Variants in SYN2 observed in about 807,000 individuals in gnomAD.
SYN2 encodes synapsin II, also known as synapsin-2.
SYN2 carries 19 observed loss-of-function variants against 50.9 expected under a neutral mutation model. The ratio of observed to expected loss-of-function variants is 0.37; its 90% confidence interval spans 0.26 to 0.55. SYN2 has a LOEUF of 0.55. Ranked by LOEUF, SYN2 falls within the 20% of genes least tolerant of loss-of-function variation. The pLI, the probability that SYN2 is intolerant of heterozygous loss-of-function variation, is 0.81. For missense variants in SYN2, 587 were observed against 576.4 expected, an observed-to-expected ratio of 1.02 and a Z score of -0.19; for synonymous variants, 255 against 224.9, an observed-to-expected ratio of 1.13 and a Z score of -1.20.
At chr3:12,052,098 G>T (rs553809508) in intron 1 of SYN2, among the ~76,000 whole-genome samples, 1 of 152,242 alleles carries the variant, frequency 6.6e-6, no homozygotes, top group South Asian at 2.1e-4. Flanking sequence ...AATCATATGG[G>T]ATCGATATTC....
intron 1 of SYN2, chr3:12,070,753 C>T (rs2125168148): frequency 4.0e-6 from 3 of 744,074 alleles, no homozygotes; most frequent in Non-Finnish European, 6.8e-6. Flanking sequence ...AGCCCTCCCC[C>T]ATGCCGTCCT....
intron 10 of SYN2, 25 bp downstream of exon 10, chr3:12,169,931 C>G (rs1697902484): frequency 6.3e-7 from 1 of 1,585,472 alleles, no homozygotes; most frequent in South Asian, 1.1e-5. Context: ...AGAGACATAG[C>G]AGAGCCAAGA....
chr3:12,004,468 C>A lies in SYN2; in HGVS notation c.-84C>A, dbSNP rs1010929789. On this transcript the variant is annotated 5_prime_UTR_variant, in exon 1 of 13. Coordinates refer to ENST00000621198, the MANE Select transcript of SYN2 (RefSeq NM_133625.6). ...AAGCCGCCGCCTCAGCCGCCTCAGT[C>A]GCCTCAATCTCGCCTTCCGCCCTCG... 2.0e-5 allele frequency: 7 copies of A among 347,032 alleles called. No homozygotes were observed. Among genetic ancestry groups the A allele is most frequent in the Non-Finnish European group, 3.4e-5 (6 of 178,248 alleles). 21.5% of individuals were successfully genotyped at this position (347,032 alleles called of 1,614,324 possible).
chr3:12,065,408 GTT>G (rs984746645), intron 1 of SYN2, among the ~76,000 whole-genome samples: 2 of 152,146 alleles, frequency 1.3e-5, no homozygotes, highest in African/African-American at 4.8e-5. Context: ...GCACTTATAT[GTT>G]TGTCGTAGCA....
At chr3:12,026,152 G>T (rs546874203) in intron 1 of SYN2, among the ~76,000 whole-genome samples, 1 of 152,276 alleles carries the variant, frequency 6.6e-6, no homozygotes, top group African/African-American at 2.4e-5. Context: ...GGCCTACAGT[G>T]GGAAGAGCCA....
chr3:12,095,367 G>T (rs1242925681), intron 1 of SYN2, among the ~76,000 whole-genome samples: 1 of 146,116 alleles, frequency 6.8e-6, no homozygotes, highest in Non-Finnish European at 1.5e-5. Context: ...CTAACACAGT[G>T]AAACCTCGTC....
chr3:12,129,147 T>C (rs750164762), intron 1 of SYN2, among the ~76,000 whole-genome samples: 4 of 152,016 alleles, frequency 2.6e-5, no homozygotes, highest in Non-Finnish European at 2.9e-5. Flanking sequence ...ATGAAGATAA[T>C]ATAGAGAATG....
At chr3:12,137,301 G>T (rs1696916953) in intron 1 of SYN2, among the ~76,000 whole-genome samples, 1 of 151,260 alleles carries the variant, frequency 6.6e-6, no homozygotes, top group South Asian at 2.1e-4. Flanking sequence ...CCTATCTTAT[G>T]CAAGGGACTG....
At chr3:12,084,789 T>G (rs928107538) in intron 1 of SYN2, among the ~76,000 whole-genome samples, 1 of 152,174 alleles carries the variant, frequency 6.6e-6, no homozygotes, top group Non-Finnish European at 1.5e-5. Context: ...GTTTAGAGTT[T>G]GTGTAAGTGA....
Position 12,173,681 on chromosome 3 carries a change from C to T in SYN2, c.1308+3775C>T, listed in dbSNP as rs566304500. ...CTGTAATCCCAGCACTTTAGGAGGCCGAGGCAGGTAGATCACGAGGTCAGG... is the reference window on the plus strand; with the variant it reads ...CTGTAATCCCAGCACTTTAGGAGGCTGAGGCAGGTAGATCACGAGGTCAGG... On this transcript the variant is annotated intron_variant, in intron 10 of 12. Transcript: ENST00000621198. 1.6e-3 allele frequency among the ~76,000 whole-genome samples: 248 copies of T among 152,198 alleles called. 1 individual carries two copies. Among genetic ancestry groups the T allele is most frequent in the African/African-American group, 4.8e-3 (199 of 41,522 alleles).
intron 1 of SYN2, among the ~76,000 whole-genome samples, chr3:12,023,654 T>C (rs916206937): frequency 1.3e-5 from 2 of 152,210 alleles, no homozygotes; most frequent in Non-Finnish European, 2.9e-5. Context: ...ACATATTTTT[T>C]CTTTATCTTG....
At chr3:12,181,688 ATAGG>A (rs1176087176) in intron 10 of SYN2, among the ~76,000 whole-genome samples, 11 of 152,380 alleles carry the variant, frequency 7.2e-5, no homozygotes, top group South Asian at 2.1e-4. Flanking sequence ...TAGGAGGTTA[ATAGG>A]TAGCCCCAGA....
chr3:12,018,186 A>G (rs532327392), intron 1 of SYN2, among the ~76,000 whole-genome samples: 2 of 152,318 alleles, frequency 1.3e-5, no homozygotes, highest in Admixed American at 6.5e-5. Context: ...AGAATGTTCT[A>G]CAGAAGGGAC....
At chr3:12,143,170 A>G (rs1404970757) in intron 3 of SYN2, among the ~76,000 whole-genome samples, 1 of 152,194 alleles carries the variant, frequency 6.6e-6, no homozygotes, top group Non-Finnish European at 1.5e-5. Flanking sequence ...GTACAGCTCA[A>G]TTCCTGTAAC....
chr3:12,156,005 C>T (rs1697445790), intron 5 of SYN2, among the ~76,000 whole-genome samples: 1 of 152,172 alleles, frequency 6.6e-6, no homozygotes, highest in South Asian at 2.1e-4. Context: ...GCCTATGACT[C>T]ATCAAGAGCC....
At chr3:12,099,146 A>T (rs939560185) in intron 1 of SYN2, among the ~76,000 whole-genome samples, 1 of 152,186 alleles carries the variant, frequency 6.6e-6, no homozygotes, top group Non-Finnish European at 1.5e-5. Context: ...ACCTTCAATT[A>T]TGGATAGATT....
At chr3:12,143,722 T>TGC (rs1208422577) in intron 3 of SYN2, among the ~76,000 whole-genome samples, 2 of 152,250 alleles carry the variant, frequency 1.3e-5, no homozygotes, top group Non-Finnish European at 2.9e-5. Flanking sequence ...ATGACTTTGC[T>TGC]ACTCTGAGTA....
At chr3:12,160,042 CAAAAAAAAAAAAA>C (rs3079818) in intron 5 of SYN2, among the ~76,000 whole-genome samples, 33 of 67,614 alleles carry the variant, frequency 4.9e-4, no homozygotes, top group African/African-American at 1.8e-3. Flanking sequence ...GACTCCGTCT[CAAAAAAAAAAAAA>C]AAAAAAAAAA....
chr3:12,018,218 A>G (rs1694062079), intron 1 of SYN2, among the ~76,000 whole-genome samples: 1 of 152,330 alleles, frequency 6.6e-6, no homozygotes, highest in Middle Eastern at 3.4e-3. Flanking sequence ...GAGCTTTGAA[A>G]GATGAGTGGG....
Sources: allele counts gnomAD v4.1 joint callset (sites outside exome capture counted in the v4.1 genomes callset), GRCh38; gene constraint gnomAD v4.1.1; transcripts MANE v1.5; gene names NCBI Gene and HGNC (gene_info 2026-07-23, HGNC 2026-07-21).